Variants in FILIP1 observed in about 807,000 individuals in gnomAD.
FILIP1 encodes filamin A interacting protein 1, also known as filamin-A-interacting protein 1.
Under a neutral mutation model 102.1 loss-of-function variants are expected in FILIP1, and 61 were observed. The ratio of observed to expected loss-of-function variants is 0.60; its 90% confidence interval spans 0.49 to 0.74. The LOEUF is 0.74. FILIP1 is among the 30% of genes least tolerant of loss of function. The pLI, the probability that FILIP1 is intolerant of heterozygous loss-of-function variation, is 0.00. For missense variants in FILIP1, 1,314 were observed against 1,441.2 expected (o/e 0.91, Z 1.43); for synonymous variants, 491 against 526.9 (o/e 0.93, Z 0.93).
At chr6:75,485,754 T>C (rs916315407) in intron 1 of FILIP1, among the ~76,000 whole-genome samples, 5 of 152,234 alleles carry the variant, frequency 3.3e-5, no homozygotes, top group Admixed American at 6.5e-5. Flanking sequence ...AAATATCCAA[T>C]AAAATATGCC....
chr6:75,388,076 G>A (rs1305231271), intron 2 of FILIP1, among the ~76,000 whole-genome samples: 2 of 152,082 alleles, frequency 1.3e-5, no homozygotes, highest in Admixed American at 6.6e-5. Flanking sequence ...GTAAGGAAGG[G>A]GTCCAGTTTC....
intron 1 of FILIP1, among the ~76,000 whole-genome samples, chr6:75,485,935 C>T (rs1779772806): frequency 6.6e-6 from 1 of 150,794 alleles, no homozygotes; most frequent in African/African-American, 2.4e-5. Flanking sequence ...TGTGGAGCAC[C>T]TTCTACCGCC....
intron 1 of FILIP1, among the ~76,000 whole-genome samples, chr6:75,447,636 A>G (rs1292338560): frequency 1.3e-5 from 2 of 152,140 alleles, no homozygotes; most frequent in African/African-American, 4.8e-5. Context: ...AGCTAATGTT[A>G]AGGACTGAAA....
intron 6 of FILIP1, among the ~76,000 whole-genome samples, chr6:75,301,462 T>A (rs1772835367): frequency 6.6e-6 from 1 of 152,032 alleles, no homozygotes; most frequent in Admixed American, 6.6e-5. Context: ...TTTTAAAGGG[T>A]TTGTTGCTGT....
chr6:75,479,097 G>T (rs1023607492), intron 1 of FILIP1, among the ~76,000 whole-genome samples: 18 of 152,004 alleles, frequency 1.2e-4, no homozygotes, highest in African/African-American at 4.3e-4. Flanking sequence ...ATCCTAACAA[G>T]GTCCCTCCTA....
intron 2 of FILIP1, among the ~76,000 whole-genome samples, chr6:75,413,883 T>A (rs550817715): frequency 4.0e-5 from 6 of 149,340 alleles, no homozygotes; most frequent in Non-Finnish European, 5.9e-5. Context: ...GCCTCCTGGG[T>A]CCCTAGAAAC....
intron 4 of FILIP1, among the ~76,000 whole-genome samples, chr6:75,326,926 G>C (rs1228764505): frequency 6.6e-6 from 1 of 152,122 alleles, no homozygotes; most frequent in Non-Finnish European, 1.5e-5. Context: ...ACCTAGCATT[G>C]TGTCAATGGC....
At position 75,313,913 on chromosome 6, in the gene FILIP1, T is replaced by G; in HGVS notation, c.1919A>C (p.Lys640Thr). The change falls in exon 5 of 6, where the codon AAG (lysine) becomes ACG (threonine). Residue 640 changes from lysine to threonine, a missense_variant. By Grantham distance (78) the Lys-to-Thr change is moderately conservative. Coordinates refer to ENST00000237172, the MANE Select transcript of FILIP1 (RefSeq NM_015687.5). This position sits in a 1 kb window ranked among gnomAD's most constrained non-coding sequence, Gnocchi z 4.2. ...KELTLEIERL[K>T]KRLQQLEVVE... ...CACTTCCAATTGTTGGAGACGTTTC[T>G]TCAGTCTCTCAATTTCAAGTGTTAG... 1 of 1,613,870 alleles carries G rather than the reference T, an allele frequency of 6.2e-7. No individual in the cohort carries two copies. Among genetic ancestry groups the G allele is most frequent in the Non-Finnish European group, 8.5e-7 (1 of 1,179,936 alleles).
chr6:75,491,886 C>G (rs1322354293), intron 1 of FILIP1, among the ~76,000 whole-genome samples: 2 of 152,214 alleles, frequency 1.3e-5, no homozygotes, highest in Non-Finnish European at 2.9e-5. Flanking sequence ...CACTGTCCCA[C>G]TGACTCCAAA....
intron 6 of FILIP1, among the ~76,000 whole-genome samples, chr6:75,299,654 C>T (rs61025153): frequency 0.021 from 3,200 of 152,134 alleles, 84 homozygotes; most frequent in African/African-American, 0.064. Flanking sequence ...GTTACCTTGA[C>T]GTTTTTTTCC....
In FILIP1 at chr6:75,313,825, A is replaced by G; in HGVS notation, c.2007T>C (p.Thr669=). Residue 669 remains threonine, a synonymous_variant, in exon 5 of 6, where the codon ACT becomes ACC. Transcript: ENST00000237172. The surrounding 1 kb of genome is among the most constrained non-coding windows in gnomAD (Gnocchi z 4.2). ...AGAGGAAGTTAGCCTTATCCTGCTC[A>G]GTTCTAAATTTCTGTTCCAGCTGAT... ...EYDQLEQKFR[T]EQDKANFLSQ... is the part of the protein sequence containing the mutation. 3.1e-6 allele frequency: 5 copies of G among 1,613,794 alleles called. No individual in the cohort carries two copies. Among genetic ancestry groups the G allele is most frequent in the Non-Finnish European group, 4.2e-6 (5 of 1,179,908 alleles).
At chr6:75,309,603 A>G (rs1773110341) in intron 5 of FILIP1, among the ~76,000 whole-genome samples, 1 of 152,172 alleles carries the variant, frequency 6.6e-6, no homozygotes, top group South Asian at 2.1e-4. Context: ...AGTGCCCTCT[A>G]GAAATGCAGA....
intron 1 of FILIP1, among the ~76,000 whole-genome samples, chr6:75,423,906 C>T (rs1777552848): frequency 1.3e-5 from 2 of 152,012 alleles, no homozygotes; most frequent in South Asian, 4.2e-4. Flanking sequence ...TTCTCATTGG[C>T]AAAAATGTAT....
chr6:75,397,939 C>T (rs1338943301), intron 2 of FILIP1: 1 of 152,146 alleles, frequency 6.6e-6, no homozygotes, highest in African/African-American at 2.4e-5. Flanking sequence ...TATTTTCAGG[C>T]TCTTGATGAA....
rs139185139 is a variant in FILIP1, at chr6:75,312,574, G to A, written c.3258C>T (p.Val1086=). The change falls in exon 5 of 6, where the codon GTC becomes GTT. Residue 1086 remains valine, a synonymous_variant. Coordinates refer to ENST00000237172, the MANE Select transcript of FILIP1 (RefSeq NM_015687.5). ...KRSPGTSGEG[V]SPVITVRPVN... ...CTGGTCGGACAGTAATAACTGGACT[G>A]ACTCCTTCACCTGAAGTCCCAGGGG... is the stretch of plus-strand genomic sequence containing the variant. The A allele has an allele frequency of 3.2e-5, 51 of 1,614,186 alleles. No homozygotes were observed. In the African/African-American group the frequency reaches 6.0e-4, roughly 19 times the overall value.
In FILIP1 at chr6:75,390,204, A is replaced by G. The variant is rs1014748109; in HGVS notation, c.276+24493T>C. Among the ~76,000 whole-genome samples, 21 of 152,160 alleles carry G rather than the reference A, an allele frequency of 1.4e-4. No individual in the cohort carries two copies. In the South Asian group the frequency reaches 2.1e-3, roughly 15 times the overall value. On this transcript the variant is annotated intron_variant, in intron 2 of 5. Transcript: ENST00000237172. ...TTTCTATCCCACTCTCCTTGTACCA[A>G]TGGGCCTGGATGTGGGGTAGATTTT...
At chr6:75,428,001 TGAGG>T (rs71718861) in intron 1 of FILIP1, among the ~76,000 whole-genome samples, 3,587 of 152,046 alleles carry the variant, frequency 0.024, 164 homozygotes, top group African/African-American at 0.08. Flanking sequence ...GAAGGAAGAG[TGAGG>T]AAGGTCTTTC....
intron 6 of FILIP1, chr6:75,296,504 T>TATTATTATC (rs1239763509): frequency 1.4e-5 from 2 of 147,406 alleles, no homozygotes; most frequent in Non-Finnish European, 3.0e-5. Flanking sequence ...TTATTATTAT[T>TATTATTATC]ATTATTATTA....
At chr6:75,319,331 T>G (rs1305915398) in intron 4 of FILIP1, 3 of 646,024 alleles carry the variant, frequency 4.6e-6, no homozygotes, top group South Asian at 1.4e-5. Context: ...CTTTGATTTT[T>G]GGGCGATACT....
Sources: allele counts gnomAD v4.1 joint callset (sites outside exome capture counted in the v4.1 genomes callset), GRCh38; gene constraint gnomAD v4.1.1; non-coding constraint Gnocchi (gnomAD v3.1); transcripts MANE v1.5; gene names NCBI Gene and HGNC (gene_info 2026-07-23, HGNC 2026-07-21).